The following PRKG1 variants were observed in gnomAD, a reference collection of about 807,000 sequenced individuals.
The protein encoded by PRKG1 is cGMP-dependent protein kinase 1.
In PRKG1, 35 loss-of-function variants were observed where a neutral mutation model predicts 88.1. That is an observed-to-expected ratio of 0.40 (90% CI 0.30 to 0.53). The LOEUF is 0.53. Ranked by LOEUF, PRKG1 falls within the 20% of genes least tolerant of loss-of-function variation. The pLI is 0.59. For synonymous variants in PRKG1, 303 were observed against 292.5 expected (o/e 1.04, Z -0.37); for missense variants, 540 against 839.8 (o/e 0.64, Z 4.41).
At chr10:51,705,228 C>T (rs947875743) in intron 3 of PRKG1, among the ~76,000 whole-genome samples, 22 of 152,222 alleles carry the variant, frequency 1.4e-4, no homozygotes, top group African/African-American at 5.3e-4. Context: ...TCAAAGACTT[C>T]CATTTAGAGT....
intron 5 of PRKG1, among the ~76,000 whole-genome samples, chr10:52,024,484 C>A (rs1183808529): frequency 6.6e-6 from 1 of 152,022 alleles, no homozygotes; most frequent in Non-Finnish European, 1.5e-5. Flanking sequence ...CCCCCATTCC[C>A]CCACCCCACG....
At chr10:51,258,541 C>T (rs1003308467) in intron 2 of PRKG1, among the ~76,000 whole-genome samples, 1 of 152,200 alleles carries the variant, frequency 6.6e-6, no homozygotes, top group African/African-American at 2.4e-5. Context: ...GCTGGCCTTG[C>T]TCTATTGTCA....
At chr10:51,405,975 G>A (rs1837899438) in intron 2 of PRKG1, among the ~76,000 whole-genome samples, 1 of 152,140 alleles carries the variant, frequency 6.6e-6, no homozygotes. Context: ...GCAGTGTTTT[G>A]CAATTTACCA....
intron 4 of PRKG1, among the ~76,000 whole-genome samples, chr10:51,814,078 C>T (rs922639645): frequency 6.6e-6 from 1 of 152,148 alleles, no homozygotes; most frequent in East Asian, 1.9e-4. Flanking sequence ...GACATTCAGA[C>T]ACTGCATTTC....
intron 2 of PRKG1, among the ~76,000 whole-genome samples, chr10:51,431,586 T>C (rs1838772042): frequency 6.6e-6 from 1 of 152,166 alleles, no homozygotes; most frequent in African/African-American, 2.4e-5. Flanking sequence ...GAAAGGCATG[T>C]TCCCTGCTGA....
chr10:51,940,965 T>G (rs1431527969), intron 5 of PRKG1, among the ~76,000 whole-genome samples: 2 of 151,950 alleles, frequency 1.3e-5, no homozygotes, highest in African/African-American at 4.8e-5. Context: ...CAAAGCTAGA[T>G]AGAGAAAAGT....
intron 2 of PRKG1, among the ~76,000 whole-genome samples, chr10:51,279,205 G>A (rs1354647997): frequency 2.0e-5 from 3 of 152,088 alleles, no homozygotes; most frequent in Admixed American, 6.5e-5. Flanking sequence ...CCTTCATTTT[G>A]TTATGTACCC....
At chr10:51,230,735 A>G (rs1838822465) in intron 2 of PRKG1, among the ~76,000 whole-genome samples, 2 of 152,194 alleles carry the variant, frequency 1.3e-5, no homozygotes. Context: ...GAATGCAAGT[A>G]AATGCTATGT....
chr10:51,919,278 T>A (rs1842411231), intron 5 of PRKG1, among the ~76,000 whole-genome samples: 1 of 152,068 alleles, frequency 6.6e-6, no homozygotes, highest in Admixed American at 6.6e-5. Context: ...CTCAAATCAG[T>A]CAATGTTAAT....
intron 3 of PRKG1, among the ~76,000 whole-genome samples, chr10:51,676,631 A>T (rs1840718494): frequency 6.6e-6 from 1 of 152,152 alleles, no homozygotes; most frequent in African/African-American, 2.4e-5. Flanking sequence ...ATAACAAGTT[A>T]TCTGTGAAAA....
At chr10:52,061,026 A>C (rs941682716) in intron 6 of PRKG1, among the ~76,000 whole-genome samples, 15 of 152,014 alleles carry the variant, frequency 9.9e-5, no homozygotes, top group Non-Finnish European at 1.9e-4. Flanking sequence ...TGAAAACCTC[A>C]AGAATAAGGG....
At position 52,219,986 on chromosome 10, in the gene PRKG1, A is replaced by T. The variant is rs200813896; in HGVS notation, c.1077-31584A>T. On this transcript the variant is annotated intron_variant, in intron 9 of 17. Coordinates refer to ENST00000373980, the MANE Select transcript of PRKG1 (RefSeq NM_006258.4). ...CTGTGAACATCATATTTGCCTCTGTAAATAAATAAGCAAAACACACTCCAT... is the reference window on the plus strand; with the variant it reads ...CTGTGAACATCATATTTGCCTCTGTTAATAAATAAGCAAAACACACTCCAT... Among the ~76,000 whole-genome samples, 4,903 of 152,306 alleles carry T rather than the reference A, an allele frequency of 0.032. 485 individuals carry two copies. In the East Asian group the frequency reaches 0.36, roughly 11 times the overall value.
intron 2 of PRKG1, among the ~76,000 whole-genome samples, chr10:51,275,749 G>A (rs1299261931): frequency 6.6e-6 from 1 of 151,904 alleles, no homozygotes; most frequent in Non-Finnish European, 1.5e-5. Flanking sequence ...AGTGACAAAT[G>A]GCCCCCAAAA....
At chr10:51,848,256 T>C (rs1589350422) in intron 4 of PRKG1, among the ~76,000 whole-genome samples, 1 of 152,152 alleles carries the variant, frequency 6.6e-6, no homozygotes, top group East Asian at 1.9e-4. Context: ...CAAATTGAAA[T>C]TAAGATATAT....
At chr10:51,881,874 A>G (rs1725150520) in intron 4 of PRKG1, among the ~76,000 whole-genome samples, 1 of 152,282 alleles carries the variant, frequency 6.6e-6, no homozygotes, top group South Asian at 2.1e-4. Flanking sequence ...CTTAAGTTAG[A>G]TGCATCACAG....
chr10:51,319,167 G>T (rs1841392768), intron 2 of PRKG1, among the ~76,000 whole-genome samples: 1 of 152,134 alleles, frequency 6.6e-6, no homozygotes, highest in South Asian at 2.1e-4. Context: ...TTACTCCCTT[G>T]AAGGAGATTT....
chr10:51,591,931 T>G (rs1229889459), intron 3 of PRKG1, among the ~76,000 whole-genome samples: 1 of 152,156 alleles, frequency 6.6e-6, no homozygotes, highest in Non-Finnish European at 1.5e-5. Context: ...CATAAGCAAA[T>G]TAAAAAACAG....
intron 1 of PRKG1, among the ~76,000 whole-genome samples, chr10:51,141,852 A>C (rs114188636): frequency 2.1e-3 from 313 of 152,296 alleles, no homozygotes; most frequent in African/African-American, 7.1e-3. Flanking sequence ...GGAAAGCATT[A>C]ATGTTTGGTA....
chr10:51,088,999 C>G (rs1387995384), intron 1 of PRKG1, among the ~76,000 whole-genome samples: 1 of 152,014 alleles, frequency 6.6e-6, no homozygotes, highest in Non-Finnish European at 1.5e-5. Flanking sequence ...TGCCTGTGCT[C>G]CAAATGGTCA....
Sources: allele counts gnomAD v4.1 joint callset (sites outside exome capture counted in the v4.1 genomes callset), GRCh38; gene constraint gnomAD v4.1.1; transcripts MANE v1.5; gene names NCBI Gene and HGNC (gene_info 2026-07-23, HGNC 2026-07-21).